The following TRAPPC9 variants were observed in gnomAD, a reference collection of about 807,000 sequenced individuals.
TRAPPC9 encodes the protein IKK2 binding protein.
TRAPPC9 carries 83 observed loss-of-function variants against 124.0 expected under a neutral mutation model. The ratio of observed to expected loss-of-function variants is 0.67; its 90% CI spans 0.56 to 0.80. The LOEUF is 0.80. Ranked by LOEUF, TRAPPC9 falls within the 30% of genes least tolerant of loss-of-function variation. The pLI is 0.00. For synonymous variants in TRAPPC9, 638 were observed against 617.5 expected (o/e 1.03, Z -0.49); for missense variants, 1,302 against 1,508.3 (o/e 0.86, Z 2.27).
At chr8:139,858,775 G>C (rs935926375) in intron 21 of TRAPPC9, among the ~76,000 whole-genome samples, 17 of 151,918 alleles carry the variant, frequency 1.1e-4, no homozygotes, top group African/African-American at 4.1e-4. Context: ...CAACGGTTTT[G>C]CCGAGGCCAG....
At chr8:140,338,377 C>T (rs981127331) in intron 9 of TRAPPC9, among the ~76,000 whole-genome samples, 9 of 152,214 alleles carry the variant, frequency 5.9e-5, no homozygotes, top group Non-Finnish European at 1.2e-4. Context: ...CTGTCAGTCA[C>T]TGTGGCCTCC....
chr8:140,158,933 A>T (rs2061699691), intron 17 of TRAPPC9, among the ~76,000 whole-genome samples: 1 of 152,258 alleles, frequency 6.6e-6, no homozygotes, highest in Non-Finnish European at 1.5e-5. Context: ...CCTTAGATGC[A>T]TGTATGTATT....
chr8:139,778,459 A>G (rs890623368), intron 21 of TRAPPC9, among the ~76,000 whole-genome samples: 10 of 152,234 alleles, frequency 6.6e-5, no homozygotes, highest in Admixed American at 2.0e-4. Flanking sequence ...CACAATGAGG[A>G]GTAAAAACAA....
At chr8:140,035,063 G>C (rs1483512286) in intron 17 of TRAPPC9, among the ~76,000 whole-genome samples, 1 of 152,206 alleles carries the variant, frequency 6.6e-6, no homozygotes, top group African/African-American at 2.4e-5. Context: ...GCTGGAGGAG[G>C]GTAAACTGTG....
chr8:139,998,139 G>C (rs993383626), intron 18 of TRAPPC9, among the ~76,000 whole-genome samples: 1 of 152,354 alleles, frequency 6.6e-6, no homozygotes, highest in East Asian at 1.9e-4. Flanking sequence ...AAAAAACCAC[G>C]GAGGGCAGAG....
chr8:140,245,247 C>T (rs557630878), intron 16 of TRAPPC9, among the ~76,000 whole-genome samples: 2 of 152,302 alleles, frequency 1.3e-5, no homozygotes, highest in East Asian at 1.9e-4. Flanking sequence ...TTACCAGCCC[C>T]CTAGAAGCCC....
chr8:139,808,634 C>G (rs900386952), intron 21 of TRAPPC9, among the ~76,000 whole-genome samples: 2 of 152,186 alleles, frequency 1.3e-5, no homozygotes, highest in Non-Finnish European at 1.5e-5. Flanking sequence ...CTCCCCACCC[C>G]CTCTGACAAC....
chr8:139,884,278 G>GA lies in TRAPPC9; in HGVS notation c.3055+1600dup, dbSNP rs549781224. ...CTCCCCGCTCAGCCTTGTACCATCA[G>GA]AACCTCTCCCCCAGGGCTCTGCTCC... On this transcript the variant is annotated intron_variant, in intron 21 of 22. Coordinates refer to ENST00000438773, the MANE Select transcript of TRAPPC9 (RefSeq NM_001160372.4). Among the ~76,000 whole-genome samples the GA allele has an allele frequency of 5.5e-3, 829 of 152,082 alleles. 2 individuals are homozygous for GA. Among genetic ancestry groups the GA allele is most frequent in the Non-Finnish European group, 9.2e-3 (623 of 67,994 alleles).
In TRAPPC9 at chr8:140,251,589, G is replaced by A. The variant is rs769458092; in HGVS notation, c.2431+1188C>T. Among the ~76,000 whole-genome samples the A allele has an allele frequency of 3.9e-5, 6 of 152,356 alleles. No homozygotes were observed. The South Asian group carries it at 8.3e-4, about 21-fold the overall frequency. ...GCAGACAGCAAACTCTATGGAGGGCGTCTGTTAGGGACTGAGCTGCGTCCC... is the reference window on the plus strand; with the variant it reads ...GCAGACAGCAAACTCTATGGAGGGCATCTGTTAGGGACTGAGCTGCGTCCC... On this transcript the variant is annotated intron_variant, in intron 16 of 22. Coordinates refer to ENST00000438773, the MANE Select transcript of TRAPPC9 (RefSeq NM_001160372.4).
chr8:139,822,138 G>A (rs1158230320), intron 21 of TRAPPC9, among the ~76,000 whole-genome samples: 1 of 152,162 alleles, frequency 6.6e-6, no homozygotes, highest in East Asian at 1.9e-4. Context: ...CCATTACCTG[G>A]CGCTGAGCTG....
chr8:140,242,212 G>A (rs1479877582), intron 16 of TRAPPC9, among the ~76,000 whole-genome samples: 1 of 152,082 alleles, frequency 6.6e-6, no homozygotes, highest in Non-Finnish European at 1.5e-5. Context: ...AAAGTGAGGA[G>A]CCCATTTGTT....
At chr8:140,360,974 C>T (rs2067936969) in intron 8 of TRAPPC9, among the ~76,000 whole-genome samples, 1 of 152,146 alleles carries the variant, frequency 6.6e-6, no homozygotes, top group African/African-American at 2.4e-5. Flanking sequence ...TGACCTAGAA[C>T]CATCCTCCTA....
chr8:140,118,583 G>A (rs1326597147), intron 17 of TRAPPC9, among the ~76,000 whole-genome samples: 3 of 152,212 alleles, frequency 2.0e-5, no homozygotes, highest in Admixed American at 1.3e-4. Context: ...CAGGTGGCAG[G>A]AGCAGAGAAG....
At chr8:139,981,974 G>C (rs1358928275) in intron 19 of TRAPPC9, among the ~76,000 whole-genome samples, 1 of 152,166 alleles carries the variant, frequency 6.6e-6, no homozygotes, top group South Asian at 2.1e-4. Context: ...AGCAAGCGAG[G>C]GGGACAGAGC....
chr8:139,897,173 C>A (rs1179135377), intron 20 of TRAPPC9, among the ~76,000 whole-genome samples: 1 of 152,336 alleles, frequency 6.6e-6, no homozygotes, highest in South Asian at 2.1e-4. Context: ...CCTCTCACAG[C>A]GTCCTCCAAG....
chr8:139,848,250 T>C (rs1224872662), intron 21 of TRAPPC9, among the ~76,000 whole-genome samples: 1 of 152,196 alleles, frequency 6.6e-6, no homozygotes, highest in Non-Finnish European at 1.5e-5. Flanking sequence ...GAGGGGCACT[T>C]TGCTCACTCC....
chr8:140,021,135 A>G (rs1839813725), intron 18 of TRAPPC9, among the ~76,000 whole-genome samples: 1 of 152,220 alleles, frequency 6.6e-6, no homozygotes, highest in Admixed American at 6.5e-5. Context: ...TGAGTCCTAC[A>G]CATTGCCATC....
At chr8:140,231,928 T>C (rs1045303259) in intron 16 of TRAPPC9, among the ~76,000 whole-genome samples, 54 of 152,210 alleles carry the variant, frequency 3.5e-4, no homozygotes, top group African/African-American at 1.3e-3. Flanking sequence ...CAACATCACA[T>C]ATTCTGTACC....
Position 139,901,230 on chromosome 8 carries a change from G to A in TRAPPC9, c.2964+8917C>T, listed in dbSNP as rs1436892645. The stretch of plus-strand genomic sequence containing the variant: ...GGAAAATAGGCTGTTTGCATCCCAC[G>A]CGCAAGCTCTGGAGTGAATGACTAC... On this transcript the variant is annotated intron_variant, in intron 20 of 22. Coordinates refer to ENST00000438773, the MANE Select transcript of TRAPPC9 (RefSeq NM_001160372.4). Among the ~76,000 whole-genome samples the A allele has an allele frequency of 5.3e-5, 8 of 152,122 alleles. No individual in the cohort carries two copies. In the South Asian group the frequency reaches 6.2e-4, roughly 12 times the overall value.
Sources: gnomAD v4.1 joint callset for allele counts (sites outside exome capture counted in the v4.1 genomes callset) on GRCh38, gnomAD v4.1.1 for gene constraint, MANE v1.5 for transcripts, NCBI Gene and HGNC (gene_info 2026-07-23, HGNC 2026-07-21) for gene names.